Variants in TMC7 observed in about 807,000 individuals in gnomAD.
The protein encoded by TMC7 is transmembrane channel like 7, also known as transmembrane channel-like protein 7.
Under a neutral mutation model 82.9 loss-of-function variants are expected in TMC7, and 54 were observed. The ratio of observed to expected loss-of-function variants is 0.65; its 90% CI spans 0.52 to 0.82. The LOEUF (loss-of-function observed/expected upper bound fraction) is 0.82. TMC7 is among the 40% of genes least tolerant of loss of function. TMC7 has a pLI of 0.00. For synonymous variants in TMC7, 350 were observed against 337.9 expected (o/e 1.04, Z -0.39); for missense variants, 820 against 901.2 (o/e 0.91, Z 1.15).
At chr16:19,029,562 T>C (rs1425834652) in intron 5 of TMC7, among the ~76,000 whole-genome samples, 1 of 151,938 alleles carries the variant, frequency 6.6e-6, no homozygotes, top group African/African-American at 2.4e-5. Context: ...TTTGTAGAGA[T>C]AGGGATCTCT....
At chr16:19,034,348 C>T (rs947594014) in intron 6 of TMC7, among the ~76,000 whole-genome samples, 2 of 152,032 alleles carry the variant, frequency 1.3e-5, no homozygotes, top group Non-Finnish European at 2.9e-5. Flanking sequence ...CCTGTAATCC[C>T]AGCGCTTTGA....
At chr16:19,050,680 T>A (rs928201359) in intron 12 of TMC7, among the ~76,000 whole-genome samples, 5 of 152,126 alleles carry the variant, frequency 3.3e-5, no homozygotes, top group East Asian at 1.9e-4. Context: ...GGGTTTTTTT[T>A]AATAGAGATG....
chr16:18,987,048 G>A (rs1302413935), intron 1 of TMC7, among the ~76,000 whole-genome samples: 2 of 151,956 alleles, frequency 1.3e-5, no homozygotes, highest in African/African-American at 2.4e-5. Flanking sequence ...CTCGTGATCC[G>A]CCCGCCTGGG....
chr16:19,053,001 C>T (rs1242444816), intron 13 of TMC7, among the ~76,000 whole-genome samples: 1 of 152,214 alleles, frequency 6.6e-6, no homozygotes, highest in African/African-American at 2.4e-5. Flanking sequence ...ACATGAGCTA[C>T]CATGCTTGAC....
chr16:18,996,761 G>A (rs1393510328), intron 1 of TMC7, among the ~76,000 whole-genome samples: 1 of 152,160 alleles, frequency 6.6e-6, no homozygotes, highest in Non-Finnish European at 1.5e-5. Flanking sequence ...CAAAGCAGGC[G>A]TCTCCGCAAT....
At chr16:19,031,573 A>T (rs1048155817) in intron 6 of TMC7, among the ~76,000 whole-genome samples, 23 of 152,162 alleles carry the variant, frequency 1.5e-4, no homozygotes, top group African/African-American at 5.5e-4. Context: ...TGGGAGGAGG[A>T]GACAGGAGAA....
At chr16:19,045,134 A>G in intron 10 of TMC7, 133 bp downstream of exon 10, 1 of 887,086 alleles carries the variant, frequency 1.1e-6, no homozygotes, top group South Asian at 1.5e-5. Context: ...GATGAGACAG[A>G]GTCTGGCCCC....
intron 7 of TMC7, among the ~76,000 whole-genome samples, chr16:19,036,364 C>T (rs1960747365): frequency 6.6e-6 from 1 of 152,216 alleles, no homozygotes; most frequent in South Asian, 2.1e-4. Context: ...AAAAAATTAG[C>T]CAGGCATGGT....
At chr16:19,020,787 G>A (rs2142207741) in intron 3 of TMC7, among the ~76,000 whole-genome samples, 1 of 152,062 alleles carries the variant, frequency 6.6e-6, no homozygotes, top group East Asian at 1.9e-4. Flanking sequence ...AGGAGGCAGA[G>A]GTTGCAGTGA....
At chr16:19,061,683 C>T (rs944731334) in intron 15 of TMC7, 95 bp from the exon 16 acceptor site, 13 of 1,006,236 alleles carry the variant, frequency 1.3e-5, no homozygotes, top group Non-Finnish European at 1.9e-5. Context: ...TTACAATAGT[C>T]CAGTGGTTAG....
At position 19,045,326 on chromosome 16, in the gene TMC7, T is replaced by C. The variant is rs144276335; in HGVS notation, c.1456-15T>C. 222 of 1,607,710 alleles carry C rather than the reference T, an allele frequency of 1.4e-4. 1 individual carries two copies. In the East Asian group the frequency reaches 4.8e-3, roughly 35 times the overall value. ...GCTAGGGTCTTTCAGTTTCCCTCAC[T>C]CTCTTTGATTTCAGTGCTGGGAGAC... On this transcript the variant is annotated splice_polypyrimidine_tract_variant and intron_variant, in intron 10 of 15. Coordinates refer to ENST00000304381, the MANE Select transcript of TMC7 (RefSeq NM_024847.4).
chr16:18,994,639 G>C, intron 1 of TMC7, among the ~76,000 whole-genome samples: 1 of 152,050 alleles, frequency 6.6e-6, no homozygotes, highest in Non-Finnish European at 1.5e-5. Context: ...AGAACAGAAT[G>C]GGTTGTGGAG....
intron 10 of TMC7, 155 bp downstream of exon 10, chr16:19,045,156 C>T (rs1961211011): frequency 2.4e-6 from 2 of 840,204 alleles, no homozygotes; most frequent in Non-Finnish European, 4.0e-6. Flanking sequence ...TGGAGTCTAA[C>T]CCCAGGCACT....
chr16:19,059,677 C>T, intron 15 of TMC7, 183 bp downstream of exon 15: 1 of 1,537,612 alleles, frequency 6.5e-7, no homozygotes. Context: ...TCATCCATTC[C>T]TTCAAGATGT....
intron 12 of TMC7, among the ~76,000 whole-genome samples, chr16:19,047,467 G>T (rs1387830603): frequency 6.8e-6 from 1 of 147,912 alleles, no homozygotes; most frequent in Non-Finnish European, 1.5e-5. Context: ...GCGTGATCTC[G>T]GCTCACTGCA....
At chr16:19,051,437 G>A (rs529336769) in intron 12 of TMC7, among the ~76,000 whole-genome samples, 196 of 141,200 alleles carry the variant, frequency 1.4e-3, no homozygotes, top group African/African-American at 5.2e-3. Context: ...GGTGTGTGAT[G>A]TTCCCCTTCC....
At chr16:19,027,147 G>A (rs1215645746) in intron 5 of TMC7, among the ~76,000 whole-genome samples, 1 of 136,612 alleles carries the variant, frequency 7.3e-6, no homozygotes, top group African/African-American at 2.7e-5. Flanking sequence ...TTGGCTCACT[G>A]CAACCTCTGC....
intron 3 of TMC7, among the ~76,000 whole-genome samples, chr16:19,019,849 T>A (rs1959877839): frequency 6.6e-6 from 1 of 152,208 alleles, no homozygotes; most frequent in Non-Finnish European, 1.5e-5. Context: ...TGACATGAAG[T>A]GCAGGTGTGA....
rs534988763 is a variant in TMC7, at chr16:18,991,832, G to A, written c.67+7702G>A. 4.3e-4 allele frequency among the ~76,000 whole-genome samples: 65 copies of A among 152,184 alleles called. 1 individual carries two copies. Among genetic ancestry groups the A allele is most frequent in the African/African-American group, 1.2e-3 (49 of 41,518 alleles). ...TTCCCACCTATGAGTGAGAACATGC[G>A]GTGTTTGGTTTTTTGTCCTTGTTTG... On this transcript the variant is annotated intron_variant, in intron 1 of 15. Transcript: ENST00000304381.
Sources: gnomAD v4.1 joint callset for allele counts (sites outside exome capture counted in the v4.1 genomes callset) on GRCh38, gnomAD v4.1.1 for gene constraint, MANE v1.5 for transcripts, NCBI Gene and HGNC (gene_info 2026-07-23, HGNC 2026-07-21) for gene names.